Variants in HOOK1 observed in about 807,000 individuals in gnomAD.
The protein encoded by HOOK1 is protein Hook homolog 1.
A neutral mutation model predicts 112.8 loss-of-function variants in HOOK1; 60 were observed. The ratio of observed to expected loss-of-function variants is 0.53; its 90% CI spans 0.43 to 0.66. The LOEUF (loss-of-function observed/expected upper bound fraction) is 0.66, where lower values mean the gene tolerates loss of function less well. HOOK1 is among the 30% of genes least tolerant of loss of function. The pLI is 0.00. For missense variants in HOOK1, 770 were observed against 856.0 expected, an observed-to-expected ratio of 0.90 and a Z score of 1.25; for synonymous variants, 294 against 283.8, an observed-to-expected ratio of 1.04 and a Z score of -0.36.
intron 19 of HOOK1, among the ~76,000 whole-genome samples, chr1:59,867,947 G>A (rs1315381342): frequency 6.6e-6 from 1 of 152,074 alleles, no homozygotes; most frequent in Non-Finnish European, 1.5e-5. Context: ...AGACTTTAAT[G>A]CCTAAAGTTT....
Position 59,843,457 on chromosome 1 carries a change from A to G in HOOK1, c.647A>G (p.Asn216Ser). 1 of 1,610,804 alleles carries G rather than the reference A, an allele frequency of 6.2e-7. No homozygotes were observed. The highest frequency in any genetic ancestry group is 1.3e-5 in the African/African-American group (1 of 74,706). ...MQVTTLQDEK[N>S]SLVSENEMMN... ...GTGACTACACTTCAAGATGAAAAGA[A>G]TTCACTGGTTTCTGAAAATGAGATG... Residue 216 changes from asparagine (N) to serine (S), a missense_variant, in exon 9 of 22, where the codon AAT becomes AGT. By Grantham distance (46) the Asn-to-Ser change is conservative. Transcript: ENST00000371208.
intron 8 of HOOK1, among the ~76,000 whole-genome samples, chr1:59,842,494 C>T (rs2098401538): frequency 6.6e-6 from 1 of 152,028 alleles, no homozygotes; most frequent in South Asian, 2.1e-4. Context: ...TTGTAGTTCT[C>T]ATTTAGAAGA....
intron 5 of HOOK1, among the ~76,000 whole-genome samples, chr1:59,833,911 C>T (rs1413643898): frequency 6.6e-6 from 1 of 152,152 alleles, no homozygotes; most frequent in Non-Finnish European, 1.5e-5. Flanking sequence ...TATTCAGCTA[C>T]TAATTTATAA....
chr1:59,819,769 A>C (rs2098384251), intron 1 of HOOK1, among the ~76,000 whole-genome samples: 1 of 152,210 alleles, frequency 6.6e-6, no homozygotes. Flanking sequence ...TTAAAAGTTA[A>C]TGTTTAAGTT....
At position 59,829,786 on chromosome 1, in the gene HOOK1, GTTC is replaced by G. The variant is rs373372225; in HGVS notation, c.222+940_222+942del. Among the ~76,000 whole-genome samples the G allele has an allele frequency of 3.2e-4, 49 of 151,886 alleles. No homozygotes were observed. In the East Asian group the frequency reaches 8.1e-3, roughly 25 times the overall value. ...TTATTTCCTTTCTCTCACTTAACCTGTTCTTCTTTTTCTTGCTTCTTAAGGTGG... is the reference window on the plus strand; with the variant it reads ...TTATTTCCTTTCTCTCACTTAACCTGTTCTTTTTCTTGCTTCTTAAGGTGG... On this transcript the variant is annotated intron_variant, in intron 3 of 21. Coordinates refer to ENST00000371208, the MANE Select transcript of HOOK1 (RefSeq NM_015888.6).
In HOOK1 at chr1:59,843,599, G is replaced by T; in HGVS notation, c.788+1G>T. On this transcript the variant is annotated splice_donor_variant, in intron 9 of 21. Coordinates refer to ENST00000371208, the MANE Select transcript of HOOK1 (RefSeq NM_015888.6). LOFTEE classifies it high-confidence loss of function. Reference sequence around the variant, plus strand: ...AACAATTACAGGAAGAAAACTTCAGGTAGCATTTTTAATGGAAATCATTTT... The same window carrying T: ...AACAATTACAGGAAGAAAACTTCAGTTAGCATTTTTAATGGAAATCATTTT... 2.5e-6 allele frequency: 4 copies of T among 1,592,780 alleles called. No homozygotes were observed. Among genetic ancestry groups the T allele is most frequent in the Non-Finnish European group, 2.6e-6 (3 of 1,170,612 alleles).
chr1:59,855,959 T>TAAAAAAAAAAAA (rs1559057957), intron 12 of HOOK1, among the ~76,000 whole-genome samples: 1 of 84,246 alleles, frequency 1.2e-5, no homozygotes, highest in African/African-American at 5.4e-5. Flanking sequence ...TATATATATA[T>TAAAAAAAAAAAA]AAATTATTAT....
Position 59,831,586 on chromosome 1 carries a change from G to A in HOOK1, c.223-577G>A, listed in dbSNP as rs370693020. Among the ~76,000 whole-genome samples, 7 of 152,160 alleles carry A rather than the reference G, an allele frequency of 4.6e-5. No individual in the cohort carries two copies. In the East Asian group the frequency reaches 7.7e-4, roughly 17 times the overall value. On this transcript the variant is annotated intron_variant, in intron 3 of 21. Transcript: ENST00000371208. ...ATTCCATAGCTCCCATCTTTTCATC[G>A]TCTGCCTTGCAAATTCAAACTGCCC...
chr1:59,872,693 C>A, intron 21 of HOOK1, 102 bp from the exon 22 acceptor site: 1 of 670,346 alleles, frequency 1.5e-6, no homozygotes. Context: ...AAAGCCTTAG[C>A]TTTATAGGTT....
At chr1:59,826,929 AT>A (rs2098390381) in intron 2 of HOOK1, among the ~76,000 whole-genome samples, 1 of 151,910 alleles carries the variant, frequency 6.6e-6, no homozygotes. Flanking sequence ...TGCCTGGCTA[AT>A]TTTTTTGTAT....
At chr1:59,823,428 G>T (rs2098387361) in intron 2 of HOOK1, among the ~76,000 whole-genome samples, 1 of 152,220 alleles carries the variant, frequency 6.6e-6, no homozygotes, top group Non-Finnish European at 1.5e-5. Flanking sequence ...CTTTTCTCAT[G>T]ATTTGAGAAA....
intron 9 of HOOK1, among the ~76,000 whole-genome samples, chr1:59,845,891 A>G (rs1460469064): frequency 1.3e-5 from 2 of 151,898 alleles, no homozygotes; most frequent in Non-Finnish European, 2.9e-5. Flanking sequence ...ACTGAGGCAT[A>G]TTCTCTGTTC....
chr1:59,871,564 T>A (rs1347121226), intron 21 of HOOK1, among the ~76,000 whole-genome samples: 1 of 152,182 alleles, frequency 6.6e-6, no homozygotes, highest in Non-Finnish European at 1.5e-5. Flanking sequence ...TTATTTTTTT[T>A]ATCCAGGGGT....
chr1:59,833,292 A>G (rs2098395324), intron 4 of HOOK1, 113 bp from the exon 5 acceptor site: 2 of 810,796 alleles, frequency 2.5e-6, no homozygotes, highest in South Asian at 4.0e-5. Context: ...GTCATTTGTT[A>G]TTTTATCTGA....
chr1:59,832,333 A>G, intron 4 of HOOK1, 120 bp downstream of exon 4: 1 of 635,434 alleles, frequency 1.6e-6, no homozygotes, highest in South Asian at 2.0e-5. Context: ...CATAATTAGA[A>G]CATGTTTTAT....
intron 20 of HOOK1, chr1:59,870,738 T>A (rs1014223326): frequency 1.0e-5 from 2 of 200,580 alleles, no homozygotes; most frequent in African/African-American, 4.7e-5. Context: ...CACTCGTTAC[T>A]TTTTTCTCTA....
intron 12 of HOOK1, among the ~76,000 whole-genome samples, chr1:59,849,397 A>C (rs190795274): frequency 6.6e-6 from 1 of 151,682 alleles, no homozygotes; most frequent in East Asian, 1.9e-4. Context: ...AGCCAAGGTC[A>C]TAAGTCTCAA....
chr1:59,833,357 C>A, intron 4 of HOOK1, 48 bp from the exon 5 acceptor site: 2 of 1,362,452 alleles, frequency 1.5e-6, no homozygotes, highest in Non-Finnish European at 1.9e-6. Context: ...GTAGCAAATT[C>A]TTTGCAGCCG....
At chr1:59,842,518 A>G (rs2098401549) in intron 8 of HOOK1, among the ~76,000 whole-genome samples, 1 of 152,054 alleles carries the variant, frequency 6.6e-6, no homozygotes, top group African/African-American at 2.4e-5. Context: ...TAACTTGCCT[A>G]TATACTGTGT....
Sources: gnomAD v4.1 joint callset for allele counts (sites outside exome capture counted in the v4.1 genomes callset) on GRCh38, gnomAD v4.1.1 for gene constraint, MANE v1.5 for transcripts, NCBI Gene and HGNC (gene_info 2026-07-23, HGNC 2026-07-21) for gene names.